Variants in KCNC1 observed in about 807,000 individuals in gnomAD.
The protein encoded by KCNC1 is potassium voltage-gated channel subfamily C member 1.
In KCNC1, 8 loss-of-function variants were observed where a neutral mutation model predicts 43.4. That is an observed-to-expected ratio of 0.18 (90% CI 0.11 to 0.33). The LOEUF is 0.33. KCNC1 is among the 10% of genes least tolerant of loss of function. The pLI is 1.00. For missense variants in KCNC1, 420 were observed against 836.0 expected, an observed-to-expected ratio of 0.50 and a Z score of 6.14; for synonymous variants, 361 against 360.5, an observed-to-expected ratio of 1.00 and a Z score of -0.01.
intron 1 of KCNC1, among the ~76,000 whole-genome samples, chr11:17,762,942 G>A (rs985127208): frequency 1.2e-4 from 19 of 152,192 alleles, no homozygotes; most frequent in African/African-American, 4.6e-4. Flanking sequence ...AGACATGTGC[G>A]GATCCAGGAA....
rs1400169388 is a variant in KCNC1, at chr11:17,763,215, G to C, written c.571-8450G>C. ...CTCCCCCTTCTCAGATTGAATCCTG[G>C]GATGGAAAGTGTCACTGTGGAGATG... On this transcript the variant is annotated intron_variant, in intron 1 of 3. Transcript: ENST00000265969. Among the ~76,000 whole-genome samples, 4 of 152,124 alleles carry C rather than the reference G, an allele frequency of 2.6e-5. No individual in the cohort carries two copies. The East Asian group carries it at 7.7e-4, about 29-fold the overall frequency.
At chr11:17,765,678 A>C (rs1384627500) in intron 1 of KCNC1, 1 of 152,208 alleles carries the variant, frequency 6.6e-6, no homozygotes, top group African/African-American at 2.4e-5. Context: ...GCATTGTCAG[A>C]CGATCTCGCC....
At chr11:17,760,874 C>T (rs956519575) in intron 1 of KCNC1, among the ~76,000 whole-genome samples, 1 of 152,318 alleles carries the variant, frequency 6.6e-6, no homozygotes, top group South Asian at 2.1e-4. Context: ...GAGGTTTAAA[C>T]GGGACAGTGC....
chr11:17,760,274 A>G (rs1309349333), intron 1 of KCNC1, among the ~76,000 whole-genome samples: 1 of 152,212 alleles, frequency 6.6e-6, no homozygotes, highest in Non-Finnish European at 1.5e-5. Flanking sequence ...GAAGGGTTTT[A>G]TGACTCATCA....
rs187944753 is a variant in KCNC1, at chr11:17,739,969, G to A, written c.570+3397G>A. 1.9e-3 allele frequency among the ~76,000 whole-genome samples: 285 copies of A among 152,308 alleles called. No homozygotes were observed. Among genetic ancestry groups the A allele is most frequent in the African/African-American group, 6.4e-3 (265 of 41,554 alleles). On this transcript the variant is annotated intron_variant, in intron 1 of 3. Coordinates refer to ENST00000265969, the MANE Select transcript of KCNC1 (RefSeq NM_001112741.2). The surrounding 1 kb of genome is among the most constrained non-coding windows in gnomAD (Gnocchi z 4.2). ...CCACTGCCTCAGTCTCTGGGACTCC[G>A]GAGTGGCCTAACTGAGGGCATTTCC...
chr11:17,767,138 A>G (rs1849159590), intron 1 of KCNC1, among the ~76,000 whole-genome samples: 1 of 151,158 alleles, frequency 6.6e-6, no homozygotes, highest in Admixed American at 6.6e-5. Context: ...TCTTAAAAAA[A>G]AAAAAAAATT....
Position 17,735,845 on chromosome 11 carries a change from T to G in KCNC1, c.-158T>G, listed in dbSNP as rs1197224790. ...GACAAAGCGCCCGGAGAGGCTTGGC[T>G]CGCTCGTTGGGGTGGCCAGAGCCGC... On this transcript the variant is annotated 5_prime_UTR_variant, in exon 1 of 4. Coordinates refer to ENST00000265969, the MANE Select transcript of KCNC1 (RefSeq NM_001112741.2). The surrounding 1 kb of genome is among the most constrained non-coding windows in gnomAD (Gnocchi z 6.7). The G allele has an allele frequency of 8.7e-6, 7 of 808,882 alleles. No individual in the cohort carries two copies. The highest frequency in any genetic ancestry group is 1.8e-6 in the Non-Finnish European group (1 of 564,014). The allele number at this position is 808,882 out of a possible 1,614,324, so 50.1% of individuals were successfully genotyped here. A position where few individuals can be genotyped will look rare whatever the true frequency, so the allele number is the denominator to read the frequency against.
rs557265043 is a variant in KCNC1, at chr11:17,739,811, G to A, written c.570+3239G>A. ...ACAGAGATTGTGTGTGAAATCCTGT[G>A]TGTGACAGTGTACGTGATGTGTGTG... is the stretch of plus-strand genomic sequence containing the variant. On this transcript the variant is annotated intron_variant, in intron 1 of 3. Transcript: ENST00000265969. The surrounding 1 kb of genome is among the most constrained non-coding windows in gnomAD (Gnocchi z 4.2). 6.6e-6 allele frequency among the ~76,000 whole-genome samples: 1 copy of A among 152,008 alleles called. No individual in the cohort carries two copies. The highest frequency in any genetic ancestry group is 1.5e-5 in the Non-Finnish European group (1 of 67,994).
rs1395569436 is a variant in KCNC1 at position 17,772,507 on chromosome 11, T to C, written c.1413T>C (p.Tyr471=). The C allele has an allele frequency of 6.2e-7, 1 of 1,614,180 alleles. No homozygotes were observed. The highest frequency in any genetic ancestry group is 2.2e-5 in the East Asian group (1 of 44,888). ...PRPPQLGSPN[Y]CKSVVNSPHH... ...CACCGCAGCTGGGATCTCCCAATTATTGTAAATCTGTCGTAAACTCTCCAC... is the reference window on the plus strand; with the variant it reads ...CACCGCAGCTGGGATCTCCCAATTACTGTAAATCTGTCGTAAACTCTCCAC... Residue 471 remains tyrosine, a synonymous_variant, in exon 2 of 4, where the codon TAT becomes TAC. Coordinates refer to ENST00000265969, the MANE Select transcript of KCNC1 (RefSeq NM_001112741.2).
At chr11:17,737,039 G>A (rs78529194) in intron 1 of KCNC1, among the ~76,000 whole-genome samples, 1,871 of 152,320 alleles carry the variant, frequency 0.012, 21 homozygotes, top group Non-Finnish European at 0.019. Flanking sequence ...TCCTGTCCAG[G>A]TAAAGGCGCA....
At position 17,776,579 on chromosome 11, in the gene KCNC1, A is replaced by G; in HGVS notation, c.1505-2877A>G. On this transcript the variant is annotated intron_variant, in intron 2 of 3. Transcript: ENST00000265969. The surrounding 1 kb of genome is among the most constrained non-coding windows in gnomAD (Gnocchi z 4.4). ...TCATCTCAGCCCATTTCAAGCCTGGAAACCATCTCTGAGACGCTGCCCATG... is the reference window on the plus strand; with the variant it reads ...TCATCTCAGCCCATTTCAAGCCTGGGAACCATCTCTGAGACGCTGCCCATG... 1 of 985,386 alleles carries G rather than the reference A, an allele frequency of 1.0e-6. No homozygotes were observed. The highest frequency in any genetic ancestry group is 1.2e-6 in the Non-Finnish European group (1 of 829,938). 61.0% of individuals were successfully genotyped at this position (985,386 alleles called of 1,614,324 possible). A position where few individuals can be genotyped will look rare whatever the true frequency, so the allele number is the denominator to read the frequency against.
At chr11:17,746,272 A>G (rs998371539) in intron 1 of KCNC1, among the ~76,000 whole-genome samples, 20 of 152,274 alleles carry the variant, frequency 1.3e-4, no homozygotes, top group African/African-American at 4.6e-4. Context: ...TGCTGGTGTC[A>G]CCACCCAGGC....
At position 17,781,832 on chromosome 11, in the gene KCNC1, G is replaced by C. The variant is rs572070952; in HGVS notation, c.*98G>C. Reference sequence around the variant, plus strand: ...GACAGAGTAAATTCACGCCATGCAGGTTTGCCGGACGAGTCCGAGTGGCCC... The same window carrying C: ...GACAGAGTAAATTCACGCCATGCAGCTTTGCCGGACGAGTCCGAGTGGCCC... On this transcript the variant is annotated 3_prime_UTR_variant, in exon 4 of 4. Transcript: ENST00000265969. This position sits in a 1 kb window ranked among gnomAD's most constrained non-coding sequence, Gnocchi z 5.1. 2 of 864,326 alleles carry C rather than the reference G, an allele frequency of 2.3e-6. No individual in the cohort carries two copies. Among genetic ancestry groups the C allele is most frequent in the East Asian group, 5.4e-5 (2 of 37,312 alleles). The allele number at this position is 864,326 out of a possible 1,614,324, so 53.5% of individuals were successfully genotyped here.
intron 1 of KCNC1, among the ~76,000 whole-genome samples, chr11:17,745,045 T>G (rs1355441309): frequency 6.6e-6 from 1 of 152,044 alleles, no homozygotes; most frequent in Non-Finnish European, 1.5e-5. Flanking sequence ...TTGTTAGACG[T>G]GAAGCCTTTC....
Position 17,763,944 on chromosome 11 carries a change from C to G in KCNC1, c.571-7721C>G, listed in dbSNP as rs1362294248. On this transcript the variant is annotated intron_variant, in intron 1 of 3. Transcript: ENST00000265969. The stretch of plus-strand genomic sequence containing the variant: ...ATGCACATATACACGCCCACACACA[C>G]ACACACCCACACACAGCAGCCCACA... 3.7e-4 allele frequency among the ~76,000 whole-genome samples: 51 copies of G among 138,986 alleles called. 1 individual carries two copies. The highest frequency in any genetic ancestry group is 7.0e-5 in the Admixed American group (1 of 14,188). The allele number at this position is 138,986 out of a possible 152,430, so 91.2% of individuals were successfully genotyped here.
At chr11:17,772,918 T>A in intron 2 of KCNC1, 1 of 1,220,314 alleles carries the variant, frequency 8.2e-7, no homozygotes, top group African/African-American at 1.5e-5. Flanking sequence ...CTCTGCTTGG[T>A]GGGGCAGGAG....
chr11:17,777,019 C>T lies in KCNC1; in HGVS notation c.1505-2437C>T, dbSNP rs1229366818. ...GGCCCTAGGGGTGTCCCGGGAATCC[C>T]CCAGGAGGGAAAGGTGCCAGGCTAT... On this transcript the variant is annotated intron_variant, in intron 2 of 3. Transcript: ENST00000265969. This position sits in a 1 kb window ranked among gnomAD's most constrained non-coding sequence, Gnocchi z 4.3. 1.0e-6 allele frequency: 1 copy of T among 985,304 alleles called. No homozygotes were observed. Among genetic ancestry groups the T allele is most frequent in the African/African-American group, 1.7e-5 (1 of 57,224 alleles). The allele number at this position is 985,304 out of a possible 1,614,324, so 61.0% of individuals were successfully genotyped here. A position where few individuals can be genotyped will look rare whatever the true frequency, so the allele number is the denominator to read the frequency against.
intron 1 of KCNC1, among the ~76,000 whole-genome samples, chr11:17,747,090 A>G (rs1276038046): frequency 6.6e-6 from 1 of 151,698 alleles, no homozygotes; most frequent in Non-Finnish European, 1.5e-5. Flanking sequence ...TGACTCTACT[A>G]TCAGATGCTT....
In KCNC1 at chr11:17,771,645, CTG is replaced by C. The variant is rs1849230220; in HGVS notation, c.571-16_571-15del. 6.3e-7 allele frequency: 1 copy of C among 1,589,302 alleles called. No individual in the cohort carries two copies. Among genetic ancestry groups the C allele is most frequent in the Non-Finnish European group, 8.6e-7 (1 of 1,162,828 alleles). ...ACTCTGGGTGGGCCTCCCTCTGACA[CTG>C]TGTCTTTATCCCCACAGTATGTGGC... On this transcript the variant is annotated intron_variant, in intron 1 of 3. Transcript: ENST00000265969. This position sits in a 1 kb window ranked among gnomAD's most constrained non-coding sequence, Gnocchi z 4.7.
Sources: gnomAD v4.1 joint callset for allele counts (sites outside exome capture counted in the v4.1 genomes callset) on GRCh38, gnomAD v4.1.1 for gene constraint, Gnocchi (gnomAD v3.1) non-coding constraint, MANE v1.5 for transcripts, NCBI Gene and HGNC (gene_info 2026-07-23, HGNC 2026-07-21) for gene names.